Variants in PRR20G observed in about 807,000 individuals in gnomAD.
PRR20G encodes the protein proline-rich protein 20G.
At chr3:127,286,571 C>T (rs993253093) in intron 2 of PRR20G, among the ~76,000 whole-genome samples, 1 of 152,078 alleles carries the variant, frequency 6.6e-6, no homozygotes, top group Admixed American at 6.5e-5. Context: ...GCTTATCATA[C>T]GTAGATCGAG....
intron 2 of PRR20G, among the ~76,000 whole-genome samples, chr3:127,285,746 A>G (rs986901256): frequency 6.6e-6 from 1 of 152,182 alleles, no homozygotes; most frequent in Admixed American, 6.5e-5. Flanking sequence ...TTTAAACTAT[A>G]AGCAGCAATC....
At chr3:127,286,049 A>T (rs760914654) in intron 2 of PRR20G, among the ~76,000 whole-genome samples, 4 of 152,194 alleles carry the variant, frequency 2.6e-5, no homozygotes, top group Non-Finnish European at 4.4e-5. Context: ...CCCAGGAAAG[A>T]GAGCAAAAAC....
intron 2 of PRR20G, 91 bp from the exon 3 acceptor site, chr3:127,284,731 C>G (rs2080379406): frequency 6.5e-6 from 1 of 152,730 alleles, no homozygotes; most frequent in South Asian, 2.1e-4. Flanking sequence ...CAGGGAGGGC[C>G]CAGGGGAACC....
At chr3:127,286,564 TATC>T (rs1186284024) in intron 2 of PRR20G, among the ~76,000 whole-genome samples, 33 of 152,356 alleles carry the variant, frequency 2.2e-4, no homozygotes, top group African/African-American at 7.2e-4. Context: ...AGTCCTGGCT[TATC>T]ATACGTAGAT....
chr3:127,286,882 T>C (rs2080390340), intron 2 of PRR20G, among the ~76,000 whole-genome samples: 1 of 152,102 alleles, frequency 6.6e-6, no homozygotes, highest in Non-Finnish European at 1.5e-5. Flanking sequence ...AAGTGTCAAG[T>C]CCTGGAAAAC....
intron 2 of PRR20G, among the ~76,000 whole-genome samples, chr3:127,285,380 CA>C (rs778555229): frequency 6.2e-4 from 94 of 151,916 alleles, no homozygotes; most frequent in Non-Finnish European, 1.2e-3. Flanking sequence ...TTCCAGGTGA[CA>C]GGGGGGCCGG....
intron 2 of PRR20G, among the ~76,000 whole-genome samples, chr3:127,285,086 C>T (rs945767300): frequency 2.0e-5 from 3 of 152,264 alleles, no homozygotes; most frequent in Admixed American, 1.3e-4. Context: ...AGAATGCTGG[C>T]GTTGTATTCC....
Position 127,283,842 on chromosome 3 carries a change from G to A in PRR20G, c.*218C>T, listed in dbSNP as rs181826435. ...AGGAACTCCATGCATGTGTATTTTT[G>A]ACAGAACATACAAAGCGGAGGCAAG... On this transcript the variant is annotated 3_prime_UTR_variant, in exon 3 of 3. Coordinates refer to ENST00000465482, the MANE Select transcript of PRR20G (RefSeq NM_001362810.2). Among the ~76,000 whole-genome samples, 1 of 152,194 alleles carries A rather than the reference G, an allele frequency of 6.6e-6. No individual in the cohort carries two copies. The highest frequency in any genetic ancestry group is 6.5e-5 in the Admixed American group (1 of 15,298).
At position 127,287,366 on chromosome 3, in the gene PRR20G, G is replaced by A. The variant is rs1342478057; in HGVS notation, c.-1C>T. On this transcript the variant is annotated 5_prime_UTR_variant, in exon 2 of 3. Coordinates refer to ENST00000465482, the MANE Select transcript of PRR20G (RefSeq NM_001362810.2). The stretch of plus-strand genomic sequence containing the variant: ...GTTTCGAGTGCCTTGGTTCCTCCAT[G>A]AGGAATCTGCGGGAGTGGGTGGGGA... Among the ~76,000 whole-genome samples, 2 of 152,216 alleles carry A rather than the reference G, an allele frequency of 1.3e-5. No individual in the cohort carries two copies. Among genetic ancestry groups the A allele is most frequent in the African/African-American group, 2.4e-5 (1 of 41,458 alleles).
At chr3:127,285,254 G>A (rs1013680839) in intron 2 of PRR20G, among the ~76,000 whole-genome samples, 1 of 152,210 alleles carries the variant, frequency 6.6e-6, no homozygotes, top group Admixed American at 6.5e-5. Flanking sequence ...TTGGGAAGGA[G>A]ATGATCAGAA....
rs1420704444 is a variant in PRR20G at position 127,288,011 on chromosome 3, A to G, written c.-140T>C. 6.6e-6 allele frequency among the ~76,000 whole-genome samples: 1 copy of G among 152,166 alleles called. No individual in the cohort carries two copies. The highest frequency in any genetic ancestry group is 1.9e-4 in the East Asian group (1 of 5,174). ...ACCAGGCAGGTAGGAGGGAGCACCCAGCAGTCCTAGTTCGGAGCCCGGCAG... is the reference window on the plus strand; with the variant it reads ...ACCAGGCAGGTAGGAGGGAGCACCCGGCAGTCCTAGTTCGGAGCCCGGCAG... On this transcript the variant is annotated 5_prime_UTR_variant, in exon 1 of 3. Coordinates refer to ENST00000465482, the MANE Select transcript of PRR20G (RefSeq NM_001362810.2).
rs191410925 is a variant in PRR20G, at chr3:127,284,784, C to T, written c.53-144G>A. On this transcript the variant is annotated intron_variant, in intron 2 of 2. Transcript: ENST00000465482. ...GGTCGGGAGATGCCTGCAGGGTGAG[C>T]CCTCAGGAGCACTCTGTCCAAGGGC... 484 of 152,418 alleles carry T rather than the reference C, an allele frequency of 3.2e-3. 3 individuals are homozygous for T. Among genetic ancestry groups the T allele is most frequent in the Non-Finnish European group, 4.4e-3 (298 of 68,130 alleles). The allele number at this position is 152,418 out of a possible 1,614,324, so 9.4% of individuals were successfully genotyped here. A position where few individuals can be genotyped will look rare whatever the true frequency, so the allele number is the denominator to read the frequency against.
chr3:127,286,398 TTAAA>T (rs2080387677), intron 2 of PRR20G, among the ~76,000 whole-genome samples: 1 of 152,234 alleles, frequency 6.6e-6, no homozygotes, highest in Non-Finnish European at 1.5e-5. Flanking sequence ...AAGCAAGATC[TTAAA>T]TAATTTCCCT....
chr3:127,287,021 G>T (rs1344336395), intron 2 of PRR20G, among the ~76,000 whole-genome samples: 2 of 152,044 alleles, frequency 1.3e-5, no homozygotes, highest in African/African-American at 4.8e-5. Flanking sequence ...GGGAATCTGT[G>T]AACTACAGCT....
At chr3:127,284,851 T>C (rs1007614999) in intron 2 of PRR20G, among the ~76,000 whole-genome samples, 1 of 152,198 alleles carries the variant, frequency 6.6e-6, no homozygotes, top group Non-Finnish European at 1.5e-5. Flanking sequence ...CTCAAGTCCT[T>C]GCAATGACCT....
chr3:127,286,827 T>C lies in PRR20G; in HGVS notation c.52+487A>G, dbSNP rs374130377. Among the ~76,000 whole-genome samples, 5 of 152,212 alleles carry C rather than the reference T, an allele frequency of 3.3e-5. No homozygotes were observed. In the East Asian group the frequency reaches 7.7e-4, roughly 24 times the overall value. On this transcript the variant is annotated intron_variant, in intron 2 of 2. Transcript: ENST00000465482. ...TTGAATTTAAGTAATTGGGGAAGAA[T>C]TGAGGGATAGACTCGTGATAAGTAA...
chr3:127,287,723 G>A (rs115768169), intron 1 of PRR20G, among the ~76,000 whole-genome samples, 156 bp downstream of exon 1: 236 of 152,294 alleles, frequency 1.5e-3, no homozygotes, highest in Middle Eastern at 0.01. Flanking sequence ...CCTCCTTAGC[G>A]GAAGAGAGAA....
In PRR20G at chr3:127,283,869, G is replaced by T. The variant is rs2080373262; in HGVS notation, c.*191C>A. ...CAGAACATACAAAGCGGAGGCAAGA[G>T]GGGAATTGGAAGCAGATGGACTACT... On this transcript the variant is annotated 3_prime_UTR_variant, in exon 3 of 3. Coordinates refer to ENST00000465482, the MANE Select transcript of PRR20G (RefSeq NM_001362810.2). 1.3e-5 allele frequency among the ~76,000 whole-genome samples: 2 copies of T among 152,120 alleles called. No homozygotes were observed. The highest frequency in any genetic ancestry group is 4.8e-5 in the African/African-American group (2 of 41,406).
chr3:127,287,180 G>C (rs2107702606), intron 2 of PRR20G, among the ~76,000 whole-genome samples, 134 bp downstream of exon 2: 1 of 152,328 alleles, frequency 6.6e-6, no homozygotes, highest in South Asian at 2.1e-4. Context: ...AAAGGTGTGG[G>C]AGATTGAGAA....
Sources: allele counts gnomAD v4.1 joint callset (sites outside exome capture counted in the v4.1 genomes callset), GRCh38; gene constraint gnomAD v4.1.1; transcripts MANE v1.5; gene names NCBI Gene and HGNC (gene_info 2026-07-23, HGNC 2026-07-21).